The following NAGPA variants were observed in gnomAD, a reference collection of about 807,000 sequenced individuals.
The protein encoded by NAGPA is alpha-N-acetylglucosaminyl phosphodiesterase.
In NAGPA, 56 loss-of-function variants were observed where a neutral mutation model predicts 48.5. That is an observed-to-expected ratio of 1.15 (90% CI 0.93 to 1.44). The LOEUF (loss-of-function observed/expected upper bound fraction) is 1.44, where lower values mean the gene tolerates loss of function less well. Among genes scored for constraint, NAGPA ranks in the 40% most tolerant of loss-of-function variants. The pLI is 0.00. For synonymous variants in NAGPA, 399 were observed against 315.5 expected, an observed-to-expected ratio of 1.26 and a Z score of -2.81; for missense variants, 888 against 735.0, an observed-to-expected ratio of 1.21 and a Z score of -2.41.
At chr16:5,031,615 C>G in intron 3 of NAGPA, 130 bp downstream of exon 3, 1 of 1,240,016 alleles carries the variant, frequency 8.1e-7, no homozygotes, top group Non-Finnish European at 1.2e-6. Flanking sequence ...CCCATGAATC[C>G]CCAGTACCCA....
At chr16:5,027,483 T>C in intron 7 of NAGPA, 104 bp from the exon 8 acceptor site, 1 of 1,249,358 alleles carries the variant, frequency 8.0e-7, no homozygotes, top group Non-Finnish European at 1.2e-6. Flanking sequence ...TGCCCATGTG[T>C]ACAGAGCCGG....
intron 4 of NAGPA, 150 bp from the exon 5 acceptor site, chr16:5,029,158 CG>C: frequency 7.5e-7 from 1 of 1,338,044 alleles, no homozygotes; most frequent in Non-Finnish European, 1.0e-6. Context: ...TCCTAGCCCC[CG>C]GAAGCTGTGA....
rs367546638 is a variant in NAGPA at position 5,027,874 on chromosome 16, G to C, written c.1146C>G (p.Ala382=). Reference sequence around the variant, plus strand: ...CACTGCAGTTGGACCCGGTCCATCCGGCATCACAGCGGCAGCCGGCTGCCG... The same window carrying C: ...CACTGCAGTTGGACCCGGTCCATCCCGCATCACAGCGGCAGCCGGCTGCCG... ...LCTETGCRCD[A]GWTGSNCSEE... The change falls in exon 7 of 10, where the codon GCC becomes GCG. Residue 382 remains alanine, a synonymous_variant. Transcript: ENST00000312251. 1.2e-4 allele frequency: 184 copies of C among 1,581,694 alleles called. No homozygotes were observed. The highest frequency in any genetic ancestry group is 2.2e-4 in the Admixed American group (12 of 54,904).
chr16:5,028,856 C>G (rs12929283), intron 5 of NAGPA, 24 bp downstream of exon 5: 4 of 1,613,754 alleles, frequency 2.5e-6, no homozygotes, highest in East Asian at 2.2e-5. Context: ...TCAGCCCTCA[C>G]GAAGGCGGCT....
chr16:5,027,785 A>G, intron 7 of NAGPA, 61 bp downstream of exon 7: 2 of 1,545,232 alleles, frequency 1.3e-6, no homozygotes, highest in South Asian at 1.2e-5. Flanking sequence ...GCAGCAGAGG[A>G]GCAGTGGGGG....
rs142326531 is a variant in NAGPA at position 5,028,912 on chromosome 16, G to A, written c.888C>T (p.Asn296=). The part of the protein sequence containing the change: ...DGGGSATFVL[N]GTLASYPSDH... ...CTGACGGGTAACTGGCCAAGGTCCC[G>A]TTGAGCACAAAGGTGGCAGAGCCAC... The change falls in exon 5 of 10, where the codon AAC becomes AAT. Residue 296 remains asparagine, a synonymous_variant. Coordinates refer to ENST00000312251, the MANE Select transcript of NAGPA (RefSeq NM_016256.4). 594 of 1,614,056 alleles carry A rather than the reference G, an allele frequency of 3.7e-4. 1 individual carries two copies. The African/African-American group carries it at 5.4e-3, about 15-fold the overall frequency.
chr16:5,033,643 T>G lies in NAGPA; in HGVS notation c.172A>C (p.Asn58His), dbSNP rs902872445. The G allele has an allele frequency of 1.9e-6, 3 of 1,539,440 alleles. No individual in the cohort carries two copies. The African/African-American group carries it at 4.2e-5, about 22-fold the overall frequency. Reference sequence around the variant, plus strand: ...GGAGGCCAACTCTCGTGCTCGCGGTTGCCGGCGCGCACCCGTGTGCAGTCC... The same window carrying G: ...GGAGGCCAACTCTCGTGCTCGCGGTGGCCGGCGCGCACCCGTGTGCAGTCC... ...PRDCTRVRAG[N>H]REHESWPPPP... is the part of the protein sequence containing the mutation. Residue 58 changes from asparagine to histidine, a missense_variant, in exon 2 of 10, where the codon AAC becomes CAC. Physicochemically the swap from Asn to His is moderately conservative, Grantham distance 68. Coordinates refer to ENST00000312251, the MANE Select transcript of NAGPA (RefSeq NM_016256.4). The surrounding 1 kb of genome is among the most constrained non-coding windows in gnomAD (Gnocchi z 4.2).
At chr16:5,026,287 T>C (rs1033819926) in intron 9 of NAGPA, among the ~76,000 whole-genome samples, 1 of 148,796 alleles carries the variant, frequency 6.7e-6, no homozygotes, top group African/African-American at 2.5e-5. Flanking sequence ...TGCTCATGCC[T>C]GCAATCCCAG....
chr16:5,027,885 G>T lies in NAGPA; in HGVS notation c.1135C>A (p.Arg379Ser), dbSNP rs555347487. 8.8e-6 allele frequency: 14 copies of T among 1,588,398 alleles called. No individual in the cohort carries two copies. Among genetic ancestry groups the T allele is most frequent in the South Asian group, 2.3e-5 (2 of 88,570 alleles). ...QHGLCTETGC[R>S]CDAGWTGSNC... ...GACCCGGTCCATCCGGCATCACAGCGGCAGCCGGCTGCCGAGACAAGACCG... is the reference window on the plus strand; with the variant it reads ...GACCCGGTCCATCCGGCATCACAGCTGCAGCCGGCTGCCGAGACAAGACCG... The change falls in exon 7 of 10, where the codon CGC (arginine) becomes AGC (serine). Residue 379 changes from arginine (R) to serine (S), a missense_variant. Transcript: ENST00000312251.
chr16:5,025,109 G>C lies in NAGPA; in HGVS notation c.*369C>G, dbSNP rs878892377. 9 of 301,916 alleles carry C rather than the reference G, an allele frequency of 3.0e-5. No homozygotes were observed. Among genetic ancestry groups the C allele is most frequent in the African/African-American group, 1.7e-4 (8 of 47,334 alleles). The allele number at this position is 301,916 out of a possible 1,614,324, so 18.7% of individuals were successfully genotyped here. On this transcript the variant is annotated 3_prime_UTR_variant, in exon 10 of 10. Transcript: ENST00000312251. The stretch of plus-strand genomic sequence containing the variant: ...CCACTCCAGCCAGGGGTGCTGGCCA[G>C]GATGTGCTGTTCTGTCATGACGTGG...
chr16:5,033,374 C>G lies in NAGPA; in HGVS notation c.441G>C (p.Glu147Asp). ...CGTCGCTCACCACGTTCCCCAGGCA[C>G]TCGCCCGAGTTCATGCGGAAGAAGC... ...NGGFFRMNSG[E>D]CLGNVVSDER... Residue 147 changes from glutamate (E) to aspartate (D), a missense_variant, in exon 2 of 10, where the codon GAG (glutamate) becomes GAC (aspartate). Glu to Asp is a conservative substitution (Grantham distance 45). Transcript: ENST00000312251. The surrounding 1 kb of genome is among the most constrained non-coding windows in gnomAD (Gnocchi z 4.2). The G allele has an allele frequency of 6.3e-7, 1 of 1,597,698 alleles. No homozygotes were observed. Among genetic ancestry groups the G allele is most frequent in the South Asian group, 1.1e-5 (1 of 91,028 alleles).
chr16:5,025,545 A>G lies in NAGPA; in HGVS notation c.1481T>C (p.Met494Thr), dbSNP rs776268330. The part of the protein sequence containing the change: ...GDYAYHPLQE[M>T]NGEPLAAEKE... ...CTCTGCGGCCAGAGGCTCCCCGTTC[A>G]TCTCCTGCAGCGGGTGGTATGCATA... Residue 494 changes from methionine (M) to threonine (T), a missense_variant, in exon 10 of 10, where the codon ATG becomes ACG. Coordinates refer to ENST00000312251, the MANE Select transcript of NAGPA (RefSeq NM_016256.4). 1.9e-6 allele frequency: 3 copies of G among 1,613,392 alleles called. No individual in the cohort carries two copies. Among genetic ancestry groups the G allele is most frequent in the Non-Finnish European group, 1.7e-6 (2 of 1,179,988 alleles).
Position 5,033,525 on chromosome 16 carries a change from G to A in NAGPA, c.290C>T (p.Ala97Val), listed in dbSNP as rs1353571043. ...DRAVAGHLTR[A>V]VEPLRTFSVL... Reference sequence around the variant, plus strand: ...CGAGAAGGTGCGCAGGGGCTCAACGGCCCGCGTCAGGTGGCCGGCCACCGC... The same window carrying A: ...CGAGAAGGTGCGCAGGGGCTCAACGACCCGCGTCAGGTGGCCGGCCACCGC... Residue 97 changes from alanine to valine, a missense_variant, in exon 2 of 10, where the codon GCC (alanine) becomes GTC (valine). By Grantham distance (64) the Ala-to-Val change is moderately conservative. Coordinates refer to ENST00000312251, the MANE Select transcript of NAGPA (RefSeq NM_016256.4). The surrounding 1 kb of genome is among the most constrained non-coding windows in gnomAD (Gnocchi z 4.2). The A allele has an allele frequency of 1.3e-6, 2 of 1,516,682 alleles. No individual in the cohort carries two copies. The highest frequency in any genetic ancestry group is 1.8e-6 in the Non-Finnish European group (2 of 1,142,342). 94.0% of individuals were successfully genotyped at this position (1,516,682 alleles called of 1,614,324 possible). A position where few individuals can be genotyped will look rare whatever the true frequency, so the allele number is the denominator to read the frequency against.
Position 5,025,244 on chromosome 16 carries a change from CCA to C in NAGPA, c.*232_*233del, listed in dbSNP as rs1955974758. 5 of 586,240 alleles carry C rather than the reference CCA, an allele frequency of 8.5e-6. No individual in the cohort carries two copies. The Admixed American group carries it at 1.2e-4, about 14-fold the overall frequency. The allele number at this position is 586,240 out of a possible 1,614,324, so 36.3% of individuals were successfully genotyped here. ...CTTCTCGGCAGCAGACACAGGCAGGCCAGAAGCAGGCAGCTGAGCCTCTCCAG... is the reference window on the plus strand; with the variant it reads ...CTTCTCGGCAGCAGACACAGGCAGGCGAAGCAGGCAGCTGAGCCTCTCCAG... On this transcript the variant is annotated 3_prime_UTR_variant, in exon 10 of 10. Transcript: ENST00000312251.
intron 5 of NAGPA, chr16:5,028,402 ATTTT>A (rs746682627): frequency 1.1e-6 from 1 of 888,050 alleles, no homozygotes; most frequent in African/African-American, 1.7e-5. Context: ...CGCCTGCCTA[ATTTT>A]TTTTTATTTT....
At position 5,030,413 on chromosome 16, in the gene NAGPA, G is replaced by C. The variant is rs1338297764; in HGVS notation, c.763C>G (p.His255Asp). The change falls in exon 4 of 10, where the codon CAT becomes GAT. Residue 255 changes from histidine to aspartate, a missense_variant. His to Asp is a moderately conservative substitution (Grantham distance 81). Coordinates refer to ENST00000312251, the MANE Select transcript of NAGPA (RefSeq NM_016256.4). ...CGCTGCTCCGTTTGGCCGTCTGCAT[G>C]AAAGAGCACCAGCTGCCCTTTCCGG... ...HDRKGQLVLF[H>D]ADGQTEQRGI... The C allele has an allele frequency of 9.7e-6, 15 of 1,552,774 alleles. No individual in the cohort carries two copies. The highest frequency in any genetic ancestry group is 1.3e-5 in the Non-Finnish European group (15 of 1,147,572).
chr16:5,026,979 G>A (rs1470351527), intron 9 of NAGPA, among the ~76,000 whole-genome samples, 156 bp downstream of exon 9: 1 of 152,172 alleles, frequency 6.6e-6, no homozygotes, highest in Non-Finnish European at 1.5e-5. Flanking sequence ...TCTGCTCCAG[G>A]GTCCCCAAAG....
intron 3 of NAGPA, chr16:5,031,382 C>A (rs1327418951): frequency 3.0e-6 from 1 of 335,622 alleles, no homozygotes; most frequent in South Asian, 2.5e-5. Context: ...TTCTGCAGGT[C>A]TGAGGGTGTG....
rs1320847349 is a variant in NAGPA, at chr16:5,033,733, G to A, written c.87-5C>T. On this transcript the variant is annotated splice_polypyrimidine_tract_variant and splice_region_variant and intron_variant, in intron 1 of 9. Coordinates refer to ENST00000312251, the MANE Select transcript of NAGPA (RefSeq NM_016256.4). This position sits in a 1 kb window ranked among gnomAD's most constrained non-coding sequence, Gnocchi z 4.2. The stretch of plus-strand genomic sequence containing the variant: ...AAGTCGTCGTCGCGGGAGGCCCTGC[G>A]GGGACGGGCGGCCGTGAGCTCAGGG... The A allele has an allele frequency of 1.2e-6, 2 of 1,601,616 alleles. No individual in the cohort carries two copies. Among genetic ancestry groups the A allele is most frequent in the African/African-American group, 2.7e-5 (2 of 74,806 alleles).
Sources: gnomAD v4.1 joint callset for allele counts (sites outside exome capture counted in the v4.1 genomes callset) on GRCh38, gnomAD v4.1.1 for gene constraint, Gnocchi (gnomAD v3.1) non-coding constraint, MANE v1.5 for transcripts, NCBI Gene and HGNC (gene_info 2026-07-23, HGNC 2026-07-21) for gene names.